Variants in NOS1AP observed in about 807,000 individuals in gnomAD.
NOS1AP encodes the protein carboxyl-terminal PDZ ligand of neuronal nitric oxide synthase protein.
NOS1AP carries 21 observed loss-of-function variants against 56.2 expected under a neutral mutation model. The ratio of observed to expected loss-of-function variants is 0.37; its 90% CI spans 0.26 to 0.54. The LOEUF (loss-of-function observed/expected upper bound fraction) is 0.54. Among genes scored for constraint, NOS1AP ranks in the 20% least tolerant of loss-of-function variants. NOS1AP has a pLI of 0.84. For synonymous variants in NOS1AP, 270 were observed against 274.6 expected (o/e 0.98, Z 0.17); for missense variants, 522 against 657.8 (o/e 0.79, Z 2.26).
At chr1:162,102,412 T>C (rs1647323408) in intron 1 of NOS1AP, among the ~76,000 whole-genome samples, 1 of 152,318 alleles carries the variant, frequency 6.6e-6, no homozygotes, top group South Asian at 2.1e-4. Flanking sequence ...GTTTTCTTTT[T>C]TTGTTGTATC....
intron 2 of NOS1AP, among the ~76,000 whole-genome samples, chr1:162,168,443 G>A (rs1250982606): frequency 6.6e-6 from 1 of 152,152 alleles, no homozygotes; most frequent in East Asian, 1.9e-4. Flanking sequence ...TTTCTCTTTG[G>A]TCCTCAGCCA....
At chr1:162,221,313 G>A (rs7545047) in intron 2 of NOS1AP, among the ~76,000 whole-genome samples, 5,377 of 152,202 alleles carry the variant, frequency 0.035, 141 homozygotes, top group Non-Finnish European at 0.052. Flanking sequence ...TCAGGAATTC[G>A]CATTGAAGGC....
chr1:162,264,602 G>T (rs1343594293), intron 2 of NOS1AP, among the ~76,000 whole-genome samples: 1 of 150,652 alleles, frequency 6.6e-6, no homozygotes, highest in Non-Finnish European at 1.5e-5. Context: ...CACCTCCTAT[G>T]TTCAAGTGAT....
chr1:162,197,005 GT>G (rs1451520328), intron 2 of NOS1AP, among the ~76,000 whole-genome samples: 4 of 152,164 alleles, frequency 2.6e-5, no homozygotes, highest in Non-Finnish European at 5.9e-5. Context: ...TTCGAATAGA[GT>G]TTGTCGGTGG....
At chr1:162,071,603 G>T (rs1691660876) in intron 1 of NOS1AP, among the ~76,000 whole-genome samples, 1 of 152,196 alleles carries the variant, frequency 6.6e-6, no homozygotes, top group Non-Finnish European at 1.5e-5. Flanking sequence ...GTGGAATGCA[G>T]AGCTGAATTA....
At chr1:162,314,349 A>G (rs950898203) in intron 4 of NOS1AP, among the ~76,000 whole-genome samples, 2 of 152,188 alleles carry the variant, frequency 1.3e-5, no homozygotes, top group Non-Finnish European at 2.9e-5. Context: ...AAATTAGGCC[A>G]CCTTTAGAAA....
chr1:162,208,954 T>C (rs1652254905), intron 2 of NOS1AP, among the ~76,000 whole-genome samples: 1 of 152,212 alleles, frequency 6.6e-6, no homozygotes, highest in South Asian at 2.1e-4. Flanking sequence ...ATGCTTAGAA[T>C]TTTCTAGTTT....
chr1:162,286,699 A>G (rs1015522391), intron 2 of NOS1AP, among the ~76,000 whole-genome samples: 4 of 152,112 alleles, frequency 2.6e-5, no homozygotes, highest in Admixed American at 6.6e-5. Context: ...GTCACTATAT[A>G]CCCCATGAAT....
chr1:162,160,959 T>C lies in NOS1AP; in HGVS notation c.177+6483T>C, dbSNP rs565919250. On this transcript the variant is annotated intron_variant, in intron 2 of 9. Transcript: ENST00000361897. The stretch of plus-strand genomic sequence containing the variant: ...CTAGAGGAGAATCTGTTCCTTGGCT[T>C]TTCCAGCTTCCAGAGGCTCCCTAGA... 5.3e-5 allele frequency among the ~76,000 whole-genome samples: 8 copies of C among 152,302 alleles called. No homozygotes were observed. The East Asian group carries it at 1.4e-3, about 26-fold the overall frequency.
chr1:162,258,373 G>A (rs552992133), intron 2 of NOS1AP, among the ~76,000 whole-genome samples: 17 of 152,260 alleles, frequency 1.1e-4, no homozygotes, highest in African/African-American at 3.6e-4. Flanking sequence ...AATGGGATGT[G>A]GGGAGGTGAT....
intron 2 of NOS1AP, 58 bp downstream of exon 2, chr1:162,154,534 C>T: frequency 6.4e-7 from 1 of 1,569,554 alleles, no homozygotes; most frequent in Non-Finnish European, 8.8e-7. Context: ...AGCTGCTGGC[C>T]CTTCTAGGTA....
intron 8 of NOS1AP, among the ~76,000 whole-genome samples, chr1:162,361,785 C>G (rs1355172424): frequency 3.9e-5 from 6 of 152,354 alleles, no homozygotes; most frequent in African/African-American, 1.4e-4. Context: ...CTAGGTATTG[C>G]TGGTACTCCA....
intron 1 of NOS1AP, among the ~76,000 whole-genome samples, chr1:162,071,389 GTCT>G (rs1691656950): frequency 6.6e-6 from 1 of 152,342 alleles, no homozygotes; most frequent in Non-Finnish European, 1.5e-5. Flanking sequence ...TCCATCAGGT[GTCT>G]TCTTCCTTCA....
rs1488297346 is a variant in NOS1AP at position 162,195,273 on chromosome 1, AG to A, written c.177+40798del. ...TATTAATACCAAATTACTATTTCTCAGCATGAAGTTGGTACCCCATATTTAC... is the reference window on the plus strand; with the variant it reads ...TATTAATACCAAATTACTATTTCTCACATGAAGTTGGTACCCCATATTTAC... On this transcript the variant is annotated intron_variant, in intron 2 of 9. Transcript: ENST00000361897. Among the ~76,000 whole-genome samples the A allele has an allele frequency of 3.6e-4, 55 of 152,298 alleles. 1 individual carries two copies. The highest frequency in any genetic ancestry group is 1.3e-3 in the African/African-American group (52 of 41,556).
chr1:162,294,768 G>T (rs979992954), intron 3 of NOS1AP, among the ~76,000 whole-genome samples: 2 of 152,170 alleles, frequency 1.3e-5, no homozygotes, highest in African/African-American at 4.8e-5. Context: ...GGGCACAGGA[G>T]TAAGAGAAAG....
Position 162,357,231 on chromosome 1 carries a change from G to A in NOS1AP, c.939+95G>A, listed in dbSNP as rs749729675. On this transcript the variant is annotated intron_variant, in intron 8 of 9. Transcript: ENST00000361897. ...GGGCTCAGGGCAGGTTTAAAATCTA[G>A]GGAGTCATAAGGAATCGCTCATGCT... The A allele has an allele frequency of 5.8e-6, 9 of 1,539,768 alleles. No individual in the cohort carries two copies. In the South Asian group the frequency reaches 9.4e-5, roughly 16 times the overall value.
intron 2 of NOS1AP, among the ~76,000 whole-genome samples, chr1:162,223,467 G>A (rs1020631496): frequency 5.9e-5 from 9 of 152,242 alleles, no homozygotes; most frequent in East Asian, 3.9e-4. Flanking sequence ...AGGACAGGTC[G>A]GCAGAAAGGC....
chr1:162,200,482 C>T (rs2102165796), intron 2 of NOS1AP, among the ~76,000 whole-genome samples: 1 of 152,216 alleles, frequency 6.6e-6, no homozygotes, highest in Non-Finnish European at 1.5e-5. Context: ...AAATCTGGCC[C>T]AATTGCCTGT....
intron 3 of NOS1AP, among the ~76,000 whole-genome samples, chr1:162,298,884 A>G (rs1224213971): frequency 6.6e-6 from 1 of 152,260 alleles, no homozygotes; most frequent in African/African-American, 2.4e-5. Context: ...ACTGAAAAAT[A>G]TAATAGCTAA....
Sources: allele counts gnomAD v4.1 joint callset (sites outside exome capture counted in the v4.1 genomes callset), GRCh38; gene constraint gnomAD v4.1.1; transcripts MANE v1.5; gene names NCBI Gene and HGNC (gene_info 2026-07-23, HGNC 2026-07-21).